Variants in CACNA2D1 observed in about 807,000 individuals in gnomAD.
CACNA2D1 encodes calcium voltage-gated channel auxiliary subunit alpha2delta 1.
Under a neutral mutation model 171.5 loss-of-function variants are expected in CACNA2D1, and 53 were observed. That is an observed-to-expected ratio of 0.31 (90% CI 0.25 to 0.39). CACNA2D1 has a LOEUF of 0.39. Ranked by LOEUF, CACNA2D1 falls within the 10% of genes least tolerant of loss-of-function variation. The pLI is 1.00. For missense variants in CACNA2D1, 903 were observed against 1,299.8 expected (o/e 0.69, Z 4.69); for synonymous variants, 442 against 443.1 (o/e 1.00, Z 0.03).
chr7:82,441,065 T>C (rs1290151356), intron 1 of CACNA2D1, among the ~76,000 whole-genome samples: 1 of 152,012 alleles, frequency 6.6e-6, no homozygotes, highest in Non-Finnish European at 1.5e-5. Flanking sequence ...GTCTTTGCAC[T>C]CAGTTTTTAT....
chr7:82,192,667 C>A (rs1798457867), intron 3 of CACNA2D1, among the ~76,000 whole-genome samples: 1 of 151,352 alleles, frequency 6.6e-6, no homozygotes, highest in Non-Finnish European at 1.5e-5. Flanking sequence ...AACTGCCTGG[C>A]AGATAATCCT....
chr7:82,162,057 G>T (rs1053044822), intron 4 of CACNA2D1, among the ~76,000 whole-genome samples: 2 of 152,072 alleles, frequency 1.3e-5, no homozygotes, highest in African/African-American at 2.4e-5. Context: ...CTAAAATGAT[G>T]AAAAGACATG....
intron 4 of CACNA2D1, among the ~76,000 whole-genome samples, chr7:82,139,036 G>A (rs1170266111): frequency 1.3e-5 from 2 of 152,124 alleles, no homozygotes; most frequent in African/African-American, 4.8e-5. Context: ...ATTTCAAGCA[G>A]TTCAACATCG....
At chr7:81,970,848 C>A in intron 26 of CACNA2D1, 111 bp from the exon 27 acceptor site, 2 of 742,758 alleles carry the variant, frequency 2.7e-6, no homozygotes, top group South Asian at 2.8e-5. Flanking sequence ...GGAAATATAT[C>A]AATAGATACA....
At chr7:81,986,817 C>G (rs1041270897) in intron 21 of CACNA2D1, among the ~76,000 whole-genome samples, 2 of 152,136 alleles carry the variant, frequency 1.3e-5, no homozygotes, top group African/African-American at 2.4e-5. Flanking sequence ...TGCAATCACT[C>G]TGACAGCAAG....
At chr7:82,227,736 A>G (rs573121362) in intron 3 of CACNA2D1, among the ~76,000 whole-genome samples, 2 of 152,314 alleles carry the variant, frequency 1.3e-5, no homozygotes, top group African/African-American at 4.8e-5. Context: ...TGCAATTTGG[A>G]TGTTTTTTAA....
At chr7:82,415,457 C>G (rs1213136401) in intron 1 of CACNA2D1, among the ~76,000 whole-genome samples, 1 of 151,902 alleles carries the variant, frequency 6.6e-6, no homozygotes, top group Non-Finnish European at 1.5e-5. Flanking sequence ...TCACTTGAAC[C>G]CAGGAGGCAT....
At chr7:82,207,350 T>C (rs968563381) in intron 3 of CACNA2D1, among the ~76,000 whole-genome samples, 2 of 152,230 alleles carry the variant, frequency 1.3e-5, no homozygotes, top group African/African-American at 2.4e-5. Context: ...CTGTAATATG[T>C]CTTTTTCTTA....
At chr7:82,341,804 T>C (rs1280679419) in intron 2 of CACNA2D1, among the ~76,000 whole-genome samples, 2 of 151,958 alleles carry the variant, frequency 1.3e-5, no homozygotes, top group Non-Finnish European at 2.9e-5. Flanking sequence ...TCCTAGCACT[T>C]TGGGAGGCCG....
intron 3 of CACNA2D1, among the ~76,000 whole-genome samples, chr7:82,219,706 T>G (rs1351713159): frequency 1.3e-5 from 2 of 152,132 alleles, no homozygotes; most frequent in African/African-American, 4.8e-5. Flanking sequence ...ACTTTAAATT[T>G]ATACATGCTT....
intron 4 of CACNA2D1, among the ~76,000 whole-genome samples, chr7:82,154,273 T>A (rs1223908066): frequency 1.3e-5 from 2 of 152,204 alleles, no homozygotes; most frequent in South Asian, 4.1e-4. Context: ...TTTAATTTTT[T>A]AAATATTTGT....
intron 24 of CACNA2D1, 25 bp from the exon 25 acceptor site, chr7:81,974,577 T>TC: frequency 1.6e-6 from 2 of 1,219,228 alleles, no homozygotes; most frequent in Non-Finnish European, 2.4e-6. Context: ...TTTTGAGATA[T>TC]TAGATATTAA....
At chr7:82,233,963 TATAA>T (rs1223336814) in intron 3 of CACNA2D1, among the ~76,000 whole-genome samples, 1 of 152,138 alleles carries the variant, frequency 6.6e-6, no homozygotes, top group Non-Finnish European at 1.5e-5. Flanking sequence ...ATCTTTTTGA[TATAA>T]ATAATTTAAA....
chr7:82,381,097 G>A (rs914564988), intron 1 of CACNA2D1, among the ~76,000 whole-genome samples: 1 of 151,966 alleles, frequency 6.6e-6, no homozygotes, highest in African/African-American at 2.4e-5. Context: ...CGGATCACGA[G>A]GTCAGGAGAT....
At chr7:81,958,271 A>G (rs1793675457) in intron 38 of CACNA2D1, among the ~76,000 whole-genome samples, 1 of 152,070 alleles carries the variant, frequency 6.6e-6, no homozygotes, top group African/African-American at 2.4e-5. Context: ...ATCTAATTGC[A>G]TAATATTATC....
chr7:82,383,429 T>C (rs1024814633), intron 1 of CACNA2D1, among the ~76,000 whole-genome samples: 7 of 151,996 alleles, frequency 4.6e-5, no homozygotes, highest in Non-Finnish European at 1.0e-4. Context: ...GCAGCAAAAA[T>C]GTAGACATAG....
At chr7:82,006,492 T>G (rs1584377186) in intron 16 of CACNA2D1, among the ~76,000 whole-genome samples, 1 of 152,258 alleles carries the variant, frequency 6.6e-6, no homozygotes, top group East Asian at 1.9e-4. Flanking sequence ...TTTAAAATTT[T>G]GGGTCCAAAA....
At chr7:82,316,325 C>T (rs532282163) in intron 3 of CACNA2D1, among the ~76,000 whole-genome samples, 3 of 152,144 alleles carry the variant, frequency 2.0e-5, no homozygotes, top group African/African-American at 7.2e-5. Flanking sequence ...CTTGATAACT[C>T]GATTATTTCC....
At chr7:82,377,425 T>C (rs1823139659) in intron 1 of CACNA2D1, among the ~76,000 whole-genome samples, 1 of 152,204 alleles carries the variant, frequency 6.6e-6, no homozygotes, top group South Asian at 2.1e-4. Context: ...TAACTTTTAG[T>C]AATTCTAACA....
Sources: allele counts gnomAD v4.1 joint callset (sites outside exome capture counted in the v4.1 genomes callset), GRCh38; gene constraint gnomAD v4.1.1; transcripts MANE v1.5; gene names NCBI Gene and HGNC (gene_info 2026-07-23, HGNC 2026-07-21).